Variants in CSMD1 observed in about 807,000 individuals in gnomAD.
CSMD1 encodes the protein CUB and sushi domain-containing protein 1.
Under a neutral mutation model 417.5 loss-of-function variants are expected in CSMD1, and 213 were observed. The observed-to-expected ratio is 0.51, with a 90% confidence interval of 0.46 to 0.57. The LOEUF is 0.57. CSMD1 is among the 20% of genes least tolerant of loss of function. The pLI is 0.00. For missense variants in CSMD1, 6,923 were observed against 4,529.7 expected, an observed-to-expected ratio of 1.53 and a Z score of -15.17; for synonymous variants, 2,862 against 1,736.8, an observed-to-expected ratio of 1.65 and a Z score of -16.11.
At chr8:4,658,453 T>C (rs994749139) in intron 1 of CSMD1, among the ~76,000 whole-genome samples, 1 of 152,144 alleles carries the variant, frequency 6.6e-6, no homozygotes, top group Non-Finnish European at 1.5e-5. Flanking sequence ...AGTATATTTT[T>C]AAAGCAGTGA....
intron 1 of CSMD1, among the ~76,000 whole-genome samples, chr8:4,716,309 G>C (rs946602307): frequency 6.6e-6 from 1 of 152,184 alleles, no homozygotes; most frequent in Non-Finnish European, 1.5e-5. Flanking sequence ...CACAAAGAAG[G>C]TCATGTGGCT....
intron 3 of CSMD1, among the ~76,000 whole-genome samples, chr8:4,190,384 A>G (rs1263392645): frequency 2.0e-5 from 3 of 152,064 alleles, no homozygotes; most frequent in Admixed American, 6.6e-5. Flanking sequence ...TGAAGCAGCC[A>G]CTACTTGACA....
In CSMD1 at chr8:3,626,783, G is replaced by A. The variant is rs951742132; in HGVS notation, c.1010-9986C>T. On this transcript the variant is annotated intron_variant, in intron 7 of 69. Transcript: ENST00000635120. ...TATGTATTCAGAATAAGAGAATAGT[G>A]TCATTAAAACTTTAATACTATGTAT... Among the ~76,000 whole-genome samples the A allele has an allele frequency of 6.0e-5, 9 of 149,842 alleles. No individual in the cohort carries two copies. The East Asian group carries it at 9.7e-4, about 16-fold the overall frequency.
At chr8:4,090,502 G>A (rs921053340) in intron 3 of CSMD1, among the ~76,000 whole-genome samples, 4 of 152,122 alleles carry the variant, frequency 2.6e-5, no homozygotes, top group Admixed American at 2.0e-4. Context: ...AACTCCTACT[G>A]CTTCATGGAA....
At chr8:4,605,029 A>G (rs896073995) in intron 2 of CSMD1, among the ~76,000 whole-genome samples, 6 of 152,172 alleles carry the variant, frequency 3.9e-5, no homozygotes, top group African/African-American at 1.2e-4. Context: ...AACCCCCATG[A>G]TATCTGTGGC....
intron 5 of CSMD1, among the ~76,000 whole-genome samples, chr8:3,821,514 G>C (rs1801734780): frequency 6.6e-6 from 1 of 151,826 alleles, no homozygotes; most frequent in Non-Finnish European, 1.5e-5. Context: ...TGGGTGCGGT[G>C]GCTCACGCCT....
intron 3 of CSMD1, among the ~76,000 whole-genome samples, chr8:4,147,204 T>G (rs1585419157): frequency 2.0e-5 from 3 of 151,696 alleles, no homozygotes; most frequent in Admixed American, 2.0e-4. Context: ...CTCACACAAC[T>G]ACTGAAAAAG....
chr8:4,202,647 C>T (rs1392358688), intron 3 of CSMD1, among the ~76,000 whole-genome samples: 2 of 152,160 alleles, frequency 1.3e-5, no homozygotes, highest in Admixed American at 6.5e-5. Flanking sequence ...CTCTCGAATA[C>T]AACCAACCCT....
chr8:3,230,295 G>A (rs1411702292), intron 26 of CSMD1, 64 bp from the exon 27 acceptor site: 19 of 1,348,238 alleles, frequency 1.4e-5, no homozygotes, highest in East Asian at 2.5e-5. Context: ...TCTTGTCGGT[G>A]TGGTTGTTCT....
At chr8:4,759,920 A>T (rs1468609158) in intron 1 of CSMD1, among the ~76,000 whole-genome samples, 3 of 152,200 alleles carry the variant, frequency 2.0e-5, no homozygotes, top group African/African-American at 7.2e-5. Context: ...TTCTTTGGGT[A>T]TATACCTAAA....
chr8:4,310,331 A>C (rs191400917), intron 3 of CSMD1, among the ~76,000 whole-genome samples: 83 of 152,278 alleles, frequency 5.5e-4, no homozygotes, highest in Middle Eastern at 6.8e-3. Flanking sequence ...AGGCCTCCAC[A>C]CTGGAATGAA....
At position 3,615,975 on chromosome 8, in the gene CSMD1, T is replaced by C. The variant is rs145639400; in HGVS notation, c.1097+735A>G. 3.1e-3 allele frequency among the ~76,000 whole-genome samples: 470 copies of C among 152,320 alleles called. 4 individuals are homozygous for C. Among genetic ancestry groups the C allele is most frequent in the African/African-American group, 0.011 (452 of 41,560 alleles). On this transcript the variant is annotated intron_variant, in intron 8 of 69. Coordinates refer to ENST00000635120, the MANE Select transcript of CSMD1 (RefSeq NM_033225.6). ...TCATAATGTAGCAACAGAAAATCAG[T>C]ATCTAGTTCACCATAATCCTAGTAA...
rs370870755 is a variant in CSMD1, at chr8:3,015,562, A to C, written c.8029+2915T>G. On this transcript the variant is annotated intron_variant, in intron 52 of 69. Transcript: ENST00000635120. The stretch of plus-strand genomic sequence containing the variant: ...TGAATACCCATCTCATAACAATAGT[A>C]AACAAAAAAAAGGACCCAAACTCAC... Among the ~76,000 whole-genome samples the C allele has an allele frequency of 1.4e-4, 22 of 152,164 alleles. No homozygotes were observed. In the South Asian group the frequency reaches 4.1e-3, roughly 29 times the overall value.
intron 1 of CSMD1, among the ~76,000 whole-genome samples, chr8:4,841,145 C>T (rs978918714): frequency 6.6e-6 from 1 of 152,182 alleles, no homozygotes; most frequent in African/African-American, 2.4e-5. Flanking sequence ...TTACTGAATG[C>T]ATATATAAAT....
intron 1 of CSMD1, among the ~76,000 whole-genome samples, chr8:4,964,499 C>G (rs1193703931): frequency 2.4e-4 from 5 of 20,440 alleles, no homozygotes; most frequent in Admixed American, 2.1e-3. Context: ...AAGACCCTGT[C>G]TCCAAAAAAA....
At chr8:3,410,239 TA>T (rs770653689) in intron 12 of CSMD1, among the ~76,000 whole-genome samples, 1 of 152,236 alleles carries the variant, frequency 6.6e-6, no homozygotes, top group Non-Finnish European at 1.5e-5. Flanking sequence ...ATGTTTTCAT[TA>T]AAATATTTTA....
intron 14 of CSMD1, 28 bp downstream of exon 14, chr8:3,407,871 G>C (rs372095401): frequency 4.5e-6 from 7 of 1,555,128 alleles, no homozygotes; most frequent in Non-Finnish European, 6.1e-6. Context: ...TGAGAACTTG[G>C]ATGTGTTGAC....
chr8:4,429,656 T>C (rs955560767), intron 2 of CSMD1, among the ~76,000 whole-genome samples: 1 of 152,108 alleles, frequency 6.6e-6, no homozygotes, highest in Non-Finnish European at 1.5e-5. Flanking sequence ...GGGCCCTTCA[T>C]GCTGGGTACC....
chr8:4,420,735 T>C (rs965860245), intron 2 of CSMD1, among the ~76,000 whole-genome samples: 1 of 152,038 alleles, frequency 6.6e-6, no homozygotes, highest in African/African-American at 2.4e-5. Context: ...CTGTGAGCCG[T>C]CTAGAGGGCA....
Sources: allele counts gnomAD v4.1 joint callset (sites outside exome capture counted in the v4.1 genomes callset), GRCh38; gene constraint gnomAD v4.1.1; transcripts MANE v1.5; gene names NCBI Gene and HGNC (gene_info 2026-07-23, HGNC 2026-07-21).